The following SUGCT variants were observed in gnomAD, a reference collection of about 807,000 sequenced individuals.
SUGCT encodes the protein succinyl-CoA:glutarate CoA-transferase.
SUGCT carries 41 observed loss-of-function variants against 55.0 expected under a neutral mutation model. The observed-to-expected ratio is 0.74, with a 90% confidence interval of 0.58 to 0.97. The LOEUF (loss-of-function observed/expected upper bound fraction) is 0.97, where lower values mean the gene tolerates loss of function less well. Among genes scored for constraint, SUGCT ranks in the 50% least tolerant of loss-of-function variants. SUGCT has a pLI of 0.00. For missense variants in SUGCT, 568 were observed against 547.8 expected (o/e 1.04, Z -0.37); for synonymous variants, 187 against 200.4 (o/e 0.93, Z 0.56).
chr7:40,501,365 A>G (rs1792272721), intron 12 of SUGCT, among the ~76,000 whole-genome samples: 2 of 152,170 alleles, frequency 1.3e-5, no homozygotes, highest in Admixed American at 1.3e-4. Flanking sequence ...TATATAAAGT[A>G]TGAGGCAATA....
intron 9 of SUGCT, among the ~76,000 whole-genome samples, chr7:40,395,140 T>C (rs1384959601): frequency 6.6e-6 from 1 of 152,170 alleles, no homozygotes; most frequent in Non-Finnish European, 1.5e-5. Flanking sequence ...TCCTTGCTGC[T>C]ACCCAGCGTG....
chr7:40,613,186 CCT>C (rs1230939181), intron 12 of SUGCT, among the ~76,000 whole-genome samples: 1 of 152,070 alleles, frequency 6.6e-6, no homozygotes, highest in South Asian at 2.1e-4. Flanking sequence ...CCAGACTCCC[CCT>C]GAGAGTCTGT....
In SUGCT at chr7:40,315,095, C is replaced by T. The variant is rs551872116; in HGVS notation, c.721-1665C>T. Among the ~76,000 whole-genome samples the T allele has an allele frequency of 4.3e-5, 6 of 141,056 alleles. No homozygotes were observed. The East Asian group carries it at 6.2e-4, about 15-fold the overall frequency. 92.5% of individuals were successfully genotyped at this position (141,056 alleles called of 152,430 possible). On this transcript the variant is annotated intron_variant, in intron 8 of 13. Coordinates refer to ENST00000335693, the MANE Select transcript of SUGCT (RefSeq NM_001193313.2). Reference sequence around the variant, plus strand: ...GTTTCATGTATTATTTGGTTGAATACGAGGGTTCTGCTTTTTTAAAAAAAA... The same window carrying T: ...GTTTCATGTATTATTTGGTTGAATATGAGGGTTCTGCTTTTTTAAAAAAAA...
the SUGCT span, among the ~76,000 whole-genome samples, chr7:40,882,748 AT>A: frequency 6.6e-6 from 1 of 152,202 alleles, no homozygotes; most frequent in African/African-American, 2.4e-5. Flanking sequence ...TATGTTATTA[AT>A]TTCCTGGTTC....
At chr7:40,387,655 G>C (rs1007653129) in intron 9 of SUGCT, among the ~76,000 whole-genome samples, 1 of 152,098 alleles carries the variant, frequency 6.6e-6, no homozygotes, top group African/African-American at 2.4e-5. Flanking sequence ...CAGAATTGTG[G>C]TGTACAAATG....
chr7:40,390,821 G>A (rs1363832960), intron 9 of SUGCT, among the ~76,000 whole-genome samples: 1 of 152,146 alleles, frequency 6.6e-6, no homozygotes, highest in Non-Finnish European at 1.5e-5. Context: ...AGCCCACATT[G>A]CCAAGATAAT....
intron 11 of SUGCT, among the ~76,000 whole-genome samples, chr7:40,467,915 A>G (rs1235789559): frequency 2.6e-5 from 4 of 151,394 alleles, no homozygotes; most frequent in East Asian, 1.9e-4. Flanking sequence ...TTAGGAATAC[A>G]TTTTACTTTG....
the SUGCT span, among the ~76,000 whole-genome samples, chr7:40,905,781 C>G: frequency 6.6e-6 from 1 of 150,726 alleles, no homozygotes; most frequent in Non-Finnish European, 1.5e-5. Context: ...TGCAGTGGTG[C>G]GATCATAGTT....
intron 12 of SUGCT, among the ~76,000 whole-genome samples, chr7:40,701,712 A>G (rs1325384275): frequency 6.6e-6 from 1 of 152,214 alleles, no homozygotes; most frequent in South Asian, 2.1e-4. Flanking sequence ...TTGAATCTCT[A>G]GAGCAGTTCT....
intron 13 of SUGCT, among the ~76,000 whole-genome samples, chr7:40,820,232 G>A (rs1406627600): frequency 9.2e-5 from 14 of 152,102 alleles, no homozygotes; most frequent in East Asian, 1.9e-4. Context: ...GCTTAGGATC[G>A]TCTTGACAAT....
chr7:40,659,634 T>C (rs942417747), intron 12 of SUGCT, among the ~76,000 whole-genome samples: 1 of 152,222 alleles, frequency 6.6e-6, no homozygotes, highest in African/African-American at 2.4e-5. Flanking sequence ...GTGGGTCATA[T>C]TGCAGGCTGG....
intron 1 of SUGCT, among the ~76,000 whole-genome samples, chr7:40,145,727 G>C (rs1788210681): frequency 6.6e-6 from 1 of 152,178 alleles, no homozygotes; most frequent in South Asian, 2.1e-4. Context: ...TATTAACTTA[G>C]AATTGATATA....
At chr7:40,873,641 G>A in the SUGCT span, among the ~76,000 whole-genome samples, 2 of 152,120 alleles carry the variant, frequency 1.3e-5, no homozygotes, top group African/African-American at 4.8e-5. Flanking sequence ...ATTAATTCCA[G>A]TTTATTCTGG....
At chr7:40,830,128 C>T (rs770369459) in intron 13 of SUGCT, among the ~76,000 whole-genome samples, 1 of 152,192 alleles carries the variant, frequency 6.6e-6, no homozygotes, top group Non-Finnish European at 1.5e-5. Flanking sequence ...GTGTCCCCAA[C>T]TGCCACCACC....
chr7:40,590,736 G>T (rs73122176), intron 12 of SUGCT, among the ~76,000 whole-genome samples: 3,633 of 152,248 alleles, frequency 0.024, 53 homozygotes, highest in Non-Finnish European at 0.036. Context: ...TTACTTTAAG[G>T]TGGAGCCAAT....
intron 7 of SUGCT, among the ~76,000 whole-genome samples, chr7:40,242,177 CTT>C (rs555537635): frequency 2.1e-5 from 3 of 140,320 alleles, no homozygotes. Context: ...TTTTTCTTTT[CTT>C]TTTTTTTTTT....
the SUGCT span, among the ~76,000 whole-genome samples, chr7:41,022,058 T>A: frequency 6.6e-6 from 1 of 151,954 alleles, no homozygotes. Flanking sequence ...TGGCAGAGAA[T>A]TTTTTGGAAT....
intron 13 of SUGCT, among the ~76,000 whole-genome samples, chr7:40,823,669 T>G (rs1792148195): frequency 6.6e-6 from 1 of 152,164 alleles, no homozygotes; most frequent in Non-Finnish European, 1.5e-5. Context: ...AAATTTTCAT[T>G]TACTTTTCTT....
chr7:40,901,412 A>G, the SUGCT span, among the ~76,000 whole-genome samples: 1 of 152,194 alleles, frequency 6.6e-6, no homozygotes, highest in East Asian at 1.9e-4. Flanking sequence ...GGCCCTATCT[A>G]TCTCACGAGA....
Sources: gnomAD v4.1 joint callset for allele counts (sites outside exome capture counted in the v4.1 genomes callset) on GRCh38, gnomAD v4.1.1 for gene constraint, MANE v1.5 for transcripts, NCBI Gene and HGNC (gene_info 2026-07-23, HGNC 2026-07-21) for gene names.